HIVEP3: variants seen among roughly 807,000 people sequenced by gnomAD.
HIVEP3 encodes HIVEP zinc finger 3.
Under a neutral mutation model 152.8 loss-of-function variants are expected in HIVEP3, and 49 were observed. The observed-to-expected ratio is 0.32, with a 90% CI of 0.26 to 0.41. The LOEUF (loss-of-function observed/expected upper bound fraction) is 0.41. Among genes scored for constraint, HIVEP3 ranks in the 10% least tolerant of loss-of-function variants. The pLI, the probability that HIVEP3 is intolerant of heterozygous loss-of-function variation, is 1.00. For synonymous variants in HIVEP3, 1,269 were observed against 1,289.0 expected, an observed-to-expected ratio of 0.98 and a Z score of 0.33; for missense variants, 2,790 against 3,103.3, an observed-to-expected ratio of 0.90 and a Z score of 2.40.
chr1:41,602,123 T>G (rs1380396210), intron 3 of HIVEP3, among the ~76,000 whole-genome samples: 4 of 152,228 alleles, frequency 2.6e-5, no homozygotes, highest in Admixed American at 2.0e-4. Context: ...ATCCCTTTAA[T>G]GCACTATTTG....
chr1:41,699,560 G>A (rs936272132), intron 2 of HIVEP3, among the ~76,000 whole-genome samples: 2 of 152,140 alleles, frequency 1.3e-5, no homozygotes, highest in African/African-American at 4.8e-5. Context: ...TGTCCTTCAG[G>A]GGTAGGAAAG....
chr1:41,816,446 G>C (rs1651269888), intron 1 of HIVEP3, among the ~76,000 whole-genome samples: 1 of 152,190 alleles, frequency 6.6e-6, no homozygotes, highest in African/African-American at 2.4e-5. Context: ...CAGCACTTTG[G>C]GAGGTCGAGG....
At chr1:41,828,279 T>A (rs886377751) in intron 1 of HIVEP3, among the ~76,000 whole-genome samples, 2 of 152,174 alleles carry the variant, frequency 1.3e-5, no homozygotes, top group African/African-American at 4.8e-5. Context: ...AGCTGCATCA[T>A]CATGTCTGCA....
chr1:41,756,005 T>C (rs746619258), intron 1 of HIVEP3, among the ~76,000 whole-genome samples: 54 of 152,236 alleles, frequency 3.5e-4, no homozygotes, highest in Non-Finnish European at 3.2e-4. Context: ...CAAATACAAA[T>C]TGTGTGCACG....
At chr1:42,022,087 A>G (rs950909176) in intron 1 of HIVEP3, among the ~76,000 whole-genome samples, 3 of 152,176 alleles carry the variant, frequency 2.0e-5, no homozygotes, top group African/African-American at 7.2e-5. Flanking sequence ...CTGGGTAGCA[A>G]AATCCACAGA....
intron 1 of HIVEP3, among the ~76,000 whole-genome samples, chr1:41,949,930 C>G (rs181646989): frequency 2.6e-5 from 4 of 152,260 alleles, no homozygotes; most frequent in Admixed American, 1.3e-4. Context: ...CAGCAGGAAG[C>G]AGTTAGAGCG....
At position 41,831,169 on chromosome 1, in the gene HIVEP3, T is replaced by C. The variant is rs139440323; in HGVS notation, c.-801+87244A>G. Among the ~76,000 whole-genome samples the C allele has an allele frequency of 3.8e-3, 576 of 152,308 alleles. 5 individuals carry two copies. Among genetic ancestry groups the C allele is most frequent in the African/African-American group, 0.014 (563 of 41,562 alleles). ...AGCTTCTAAACAGCACCCAGCACCA[T>C]GTAAGCTCCTAAGAAATATTTATTG... On this transcript the variant is annotated intron_variant, in intron 1 of 8. Transcript: ENST00000372583.
intron 1 of HIVEP3, among the ~76,000 whole-genome samples, chr1:41,711,308 A>G (rs981426771): frequency 6.6e-6 from 1 of 152,260 alleles, no homozygotes; most frequent in Non-Finnish European, 1.5e-5. Context: ...TTGCAAATGC[A>G]GAGCCCATGG....
intron 1 of HIVEP3, among the ~76,000 whole-genome samples, chr1:41,744,529 C>CCTGATACT (rs1369004641): frequency 6.6e-6 from 1 of 152,206 alleles, no homozygotes; most frequent in African/African-American, 2.4e-5. Context: ...GGGTTGAGTT[C>CCTGATACT]CTGATACTCC....
At chr1:41,798,860 C>A (rs1650136549) in intron 1 of HIVEP3, among the ~76,000 whole-genome samples, 1 of 152,196 alleles carries the variant, frequency 6.6e-6, no homozygotes, top group Admixed American at 6.5e-5. Context: ...TCTGATGGGG[C>A]TCCTTCAAAA....
intron 2 of HIVEP3, among the ~76,000 whole-genome samples, chr1:41,681,487 G>A (rs553306491): frequency 4.3e-4 from 66 of 152,294 alleles, no homozygotes; most frequent in Non-Finnish European, 8.5e-4. Context: ...CCCTCTCCCC[G>A]GCAGAACATA....
chr1:41,742,696 A>G (rs1204310617), intron 1 of HIVEP3, among the ~76,000 whole-genome samples: 2 of 152,200 alleles, frequency 1.3e-5, no homozygotes, highest in Admixed American at 1.3e-4. Context: ...TACTGTGTCT[A>G]TCTGCCCACT....
At chr1:41,738,916 C>G (rs939601687) in intron 1 of HIVEP3, among the ~76,000 whole-genome samples, 1 of 152,216 alleles carries the variant, frequency 6.6e-6, no homozygotes, top group African/African-American at 2.4e-5. Flanking sequence ...ATTCTAAAAT[C>G]TTTTCTCCGT....
intron 1 of HIVEP3, among the ~76,000 whole-genome samples, chr1:41,896,094 TAG>T (rs1570759737): frequency 6.6e-6 from 1 of 152,218 alleles, no homozygotes; most frequent in South Asian, 2.1e-4. Context: ...GGGGTACTTC[TAG>T]AGCCAGGCTT....
intron 1 of HIVEP3, chr1:41,865,731 T>C (rs1407248772): frequency 6.6e-6 from 1 of 152,104 alleles, no homozygotes; most frequent in Non-Finnish European, 1.5e-5. Flanking sequence ...TAGGAACTTA[T>C]ATTTGCTGTT....
intron 2 of HIVEP3, among the ~76,000 whole-genome samples, chr1:41,690,110 G>C (rs1242955668): frequency 6.6e-6 from 1 of 152,206 alleles, no homozygotes; most frequent in African/African-American, 2.4e-5. Flanking sequence ...GGATTGTTTT[G>C]GGTGCTGGGA....
At chr1:41,807,526 C>A (rs1311519002) in intron 1 of HIVEP3, among the ~76,000 whole-genome samples, 1 of 152,160 alleles carries the variant, frequency 6.6e-6, no homozygotes, top group Non-Finnish European at 1.5e-5. Flanking sequence ...TCCTGCCAGG[C>A]AGTTGTTCCA....
chr1:42,005,678 G>A (rs1020960310), intron 1 of HIVEP3, among the ~76,000 whole-genome samples: 1 of 152,222 alleles, frequency 6.6e-6, no homozygotes, highest in Non-Finnish European at 1.5e-5. Context: ...TCAGGAAAGA[G>A]TAAGTTGCTG....
chr1:41,587,750 C>T (rs1356352055), intron 3 of HIVEP3, among the ~76,000 whole-genome samples: 1 of 152,178 alleles, frequency 6.6e-6, no homozygotes, highest in Non-Finnish European at 1.5e-5. Context: ...CTGAAAATCA[C>T]ACGGGAATGG....
Sources: gnomAD v4.1 joint callset for allele counts (sites outside exome capture counted in the v4.1 genomes callset) on GRCh38, gnomAD v4.1.1 for gene constraint, MANE v1.5 for transcripts, NCBI Gene and HGNC (gene_info 2026-07-23, HGNC 2026-07-21) for gene names.